The following NFAT5 variants were observed in gnomAD, a reference collection of about 807,000 sequenced individuals.
NFAT5 encodes nuclear factor of activated T cells 5, also known as nuclear factor of activated T-cells 5.
Under a neutral mutation model 166.5 loss-of-function variants are expected in NFAT5, and 31 were observed. That is an observed-to-expected ratio of 0.19 (90% confidence interval 0.14 to 0.25). The LOEUF (loss-of-function observed/expected upper bound fraction) is 0.25. Among genes scored for constraint, NFAT5 ranks in the 10% least tolerant of loss-of-function variants. The probability of loss-of-function intolerance (pLI) is 1.00; values close to 1 mark genes in which losing one functional copy is unlikely to be tolerated. For synonymous variants in NFAT5, 612 were observed against 639.7 expected (o/e 0.96, Z 0.65); for missense variants, 1,449 against 1,821.8 (o/e 0.80, Z 3.72).
At chr16:69,638,487 A>T (rs953890082) in intron 3 of NFAT5, among the ~76,000 whole-genome samples, 11 of 152,188 alleles carry the variant, frequency 7.2e-5, no homozygotes, top group Non-Finnish European at 2.9e-5. Context: ...TAATCCCAGC[A>T]CTTTGGAAGG....
intron 10 of NFAT5, among the ~76,000 whole-genome samples, chr16:69,682,437 C>G (rs954748092): frequency 1.2e-4 from 18 of 150,868 alleles, no homozygotes; most frequent in African/African-American, 3.2e-4. Context: ...GTGAGACCCC[C>G]CCCCCCGCCA....
At position 69,701,569 on chromosome 16, in the gene NFAT5, T is replaced by G. The variant is rs576159117; in HGVS notation, c.*5218T>G. 2.1e-3 allele frequency: 324 copies of G among 152,706 alleles called. No individual in the cohort carries two copies. The highest frequency in any genetic ancestry group is 7.5e-3 in the African/African-American group (310 of 41,560). The allele number at this position is 152,706 out of a possible 1,614,324, so 9.5% of individuals were successfully genotyped here. On this transcript the variant is annotated 3_prime_UTR_variant, in exon 15 of 15. Coordinates refer to ENST00000349945, the MANE Select transcript of NFAT5 (RefSeq NM_138713.4). ...GTTTCTTTGGGAGAGGGTAAAAGAT[T>G]ACAGAATTAGACTGTTCAGCCTTTA... is the stretch of plus-strand genomic sequence containing the variant.
chr16:69,610,374 C>CT (rs1229602433), intron 2 of NFAT5, among the ~76,000 whole-genome samples: 1 of 151,990 alleles, frequency 6.6e-6, no homozygotes, highest in Admixed American at 6.5e-5. Flanking sequence ...TTTTTCATCT[C>CT]TAAGATTATG....
chr16:69,663,754 G>A (rs1449974646), intron 7 of NFAT5, among the ~76,000 whole-genome samples: 1 of 152,010 alleles, frequency 6.6e-6, no homozygotes, highest in Non-Finnish European at 1.5e-5. Context: ...GCATGTCCCT[G>A]TAGACCCAGC....
chr16:69,667,441 T>C (rs931637661), intron 7 of NFAT5, among the ~76,000 whole-genome samples: 5 of 152,046 alleles, frequency 3.3e-5, no homozygotes, highest in Admixed American at 6.6e-5. Context: ...TATACTTCTT[T>C]TCTGACTTGT....
chr16:69,693,412 A>T lies in NFAT5; in HGVS notation c.3587A>T (p.Gln1196Leu). 2 of 1,614,226 alleles carry T rather than the reference A, an allele frequency of 1.2e-6. No homozygotes were observed. The highest frequency in any genetic ancestry group is 1.6e-4 in the Middle Eastern group (1 of 6,062). Residue 1196 changes from glutamine to leucine, a missense_variant, in exon 13 of 15, where the codon CAA becomes CTA. This residue lies in a region of NFAT5 where 891 missense variants were observed against 993.0 expected (regional missense o/e 0.90). Coordinates refer to ENST00000349945, the MANE Select transcript of NFAT5 (RefSeq NM_138713.4). ...SPLQSTSNSEQQAAFQQQAPI... is the reference protein window; with the variant it reads ...SPLQSTSNSELQAAFQQQAPI... ...CTTCAGTCAACATCAAACAGTGAAC[A>T]ACAAGCTGCTTTCCAACAGCAAGCT...
intron 3 of NFAT5, among the ~76,000 whole-genome samples, chr16:69,627,038 G>A (rs955971044): frequency 2.6e-5 from 4 of 151,720 alleles, no homozygotes; most frequent in Non-Finnish European, 5.9e-5. Context: ...AATGGAGGAC[G>A]TCAATATAAT....
chr16:69,618,838 A>G (rs1169920435), intron 2 of NFAT5, among the ~76,000 whole-genome samples: 2 of 152,348 alleles, frequency 1.3e-5, no homozygotes, highest in Non-Finnish European at 2.9e-5. Flanking sequence ...ATCAGAGAGC[A>G]TTCATTGTTT....
intron 2 of NFAT5, among the ~76,000 whole-genome samples, chr16:69,613,140 T>C (rs1192895727): frequency 2.0e-5 from 3 of 152,262 alleles, no homozygotes; most frequent in South Asian, 2.1e-4. Context: ...CTCCTTTTTT[T>C]CCCTCTCCCT....
chr16:69,669,343 G>A (rs542661051), intron 7 of NFAT5, among the ~76,000 whole-genome samples: 6 of 152,176 alleles, frequency 3.9e-5, no homozygotes, highest in South Asian at 2.1e-4. Flanking sequence ...CACAAGGTTC[G>A]AGACCAGCCT....
intron 11 of NFAT5, among the ~76,000 whole-genome samples, chr16:69,688,222 A>AC (rs1567609411): frequency 7.0e-6 from 1 of 143,824 alleles, no homozygotes; most frequent in Non-Finnish European, 1.5e-5. Flanking sequence ...AAAAAAAAAA[A>AC]AAAACCAGGA....
intron 3 of NFAT5, among the ~76,000 whole-genome samples, chr16:69,637,826 C>T (rs763482537): frequency 2.1e-4 from 32 of 151,986 alleles, no homozygotes; most frequent in Non-Finnish European, 3.8e-4. Context: ...TAGGAAAGAC[C>T]GACAGTTTCT....
At chr16:69,664,376 C>T (rs1327658165) in intron 7 of NFAT5, among the ~76,000 whole-genome samples, 2 of 152,146 alleles carry the variant, frequency 1.3e-5, no homozygotes, top group African/African-American at 4.8e-5. Context: ...GCTCCACCTC[C>T]GGGGTTCACA....
chr16:69,698,692 A>G lies in NFAT5; in HGVS notation c.*2341A>G, dbSNP rs1652845984. ...GGAAACCCATTGAGGCAATGGCGTC[A>G]AATGGTGTTTCACAAGAATGAGCCA... On this transcript the variant is annotated 3_prime_UTR_variant, in exon 15 of 15. Coordinates refer to ENST00000349945, the MANE Select transcript of NFAT5 (RefSeq NM_138713.4). 1 of 152,626 alleles carries G rather than the reference A, an allele frequency of 6.6e-6. No individual in the cohort carries two copies. The highest frequency in any genetic ancestry group is 1.5e-5 in the Non-Finnish European group (1 of 68,036). The allele number at this position is 152,626 out of a possible 1,614,324, so 9.5% of individuals were successfully genotyped here.
chr16:69,646,866 C>A (rs756944047), intron 3 of NFAT5, among the ~76,000 whole-genome samples, 162 bp from the exon 4 acceptor site: 2 of 152,116 alleles, frequency 1.3e-5, no homozygotes, highest in Admixed American at 6.5e-5. Flanking sequence ...ATTTCTTAGG[C>A]CTTATATTGC....
At chr16:69,687,980 G>A (rs1225977581) in intron 11 of NFAT5, among the ~76,000 whole-genome samples, 9 of 151,028 alleles carry the variant, frequency 6.0e-5, no homozygotes, top group African/African-American at 1.9e-4. Flanking sequence ...GGATCATGAG[G>A]TCAGGAGATC....
At chr16:69,581,325 TTATC>T (rs1421377954) in intron 2 of NFAT5, among the ~76,000 whole-genome samples, 1 of 152,210 alleles carries the variant, frequency 6.6e-6, no homozygotes, top group African/African-American at 2.4e-5. Context: ...CACATTTTGT[TTATC>T]TATTCATTAG....
At chr16:69,618,572 C>CCA (rs1453562820) in intron 2 of NFAT5, among the ~76,000 whole-genome samples, 1 of 152,116 alleles carries the variant, frequency 6.6e-6, no homozygotes, top group African/African-American at 2.4e-5. Flanking sequence ...ATTGTAGATG[C>CCA]CAGGCATTTT....
At chr16:69,580,846 A>G (rs369262706) in intron 2 of NFAT5, among the ~76,000 whole-genome samples, 1 of 151,338 alleles carries the variant, frequency 6.6e-6, no homozygotes, top group Admixed American at 6.6e-5. Flanking sequence ...TAGTAGAGAC[A>G]GGGTTTCACC....
Sources: allele counts gnomAD v4.1 joint callset (sites outside exome capture counted in the v4.1 genomes callset), GRCh38; gene constraint gnomAD v4.1.1; regional missense constraint gnomAD v4.1.1; transcripts MANE v1.5; gene names NCBI Gene and HGNC (gene_info 2026-07-23, HGNC 2026-07-21).